The following TRPM7 variants were observed in gnomAD, a reference collection of about 807,000 sequenced individuals.
TRPM7 encodes LTRPC ion channel family member 7.
TRPM7 carries 134 observed loss-of-function variants against 229.7 expected under a neutral mutation model. The observed-to-expected ratio is 0.58, with a 90% CI of 0.51 to 0.67. The LOEUF (loss-of-function observed/expected upper bound fraction) is 0.67, where lower values mean the gene tolerates loss of function less well. Ranked by LOEUF, TRPM7 falls within the 30% of genes least tolerant of loss-of-function variation. The probability of loss-of-function intolerance (pLI) is 0.00; values close to 1 mark genes in which losing one functional copy is unlikely to be tolerated. For missense variants in TRPM7, 1,901 were observed against 2,210.0 expected (o/e 0.86, Z 2.80); for synonymous variants, 699 against 715.2 (o/e 0.98, Z 0.36).
At chr15:50,661,171 T>C (rs1240269516) in intron 2 of TRPM7, among the ~76,000 whole-genome samples, 2 of 152,008 alleles carry the variant, frequency 1.3e-5, no homozygotes, top group East Asian at 3.9e-4. Flanking sequence ...GAGACAGTGT[T>C]TCACCATGTT....
At chr15:50,655,000 C>CAA (rs35388005) in intron 3 of TRPM7, among the ~76,000 whole-genome samples, 1,378 of 69,316 alleles carry the variant, frequency 0.02, 54 homozygotes, top group African/African-American at 0.069. Context: ...CACTCCGTCT[C>CAA]AAAAAAAAAA....
At chr15:50,603,786 T>C (rs751108194) in intron 21 of TRPM7, among the ~76,000 whole-genome samples, 3 of 152,212 alleles carry the variant, frequency 2.0e-5, no homozygotes, top group African/African-American at 7.2e-5. Flanking sequence ...ACTCTAAGAA[T>C]AGCTTTTTAT....
chr15:50,575,665 G>A (rs745886826), intron 33 of TRPM7, 59 bp downstream of exon 33: 734 of 1,428,456 alleles, frequency 5.1e-4, no homozygotes, highest in Non-Finnish European at 6.3e-4. Context: ...CTATATTATA[G>A]CTAAAAATCA....
At chr15:50,629,101 A>T (rs886824549) in intron 10 of TRPM7, among the ~76,000 whole-genome samples, 1 of 151,870 alleles carries the variant, frequency 6.6e-6, no homozygotes, top group Non-Finnish European at 1.5e-5. Context: ...TTTCATGCAC[A>T]TGCTTGATTA....
At chr15:50,576,721 G>T (rs573879931) in intron 31 of TRPM7, among the ~76,000 whole-genome samples, 1 of 152,274 alleles carries the variant, frequency 6.6e-6, no homozygotes, top group Admixed American at 6.5e-5. Flanking sequence ...CTCTACAAAT[G>T]ATTTGAATAT....
At chr15:50,651,725 C>T (rs1384043102) in intron 3 of TRPM7, among the ~76,000 whole-genome samples, 2 of 151,882 alleles carry the variant, frequency 1.3e-5, no homozygotes, top group South Asian at 2.1e-4. Context: ...CCCATCTCTA[C>T]TAAAAATATA....
At chr15:50,662,358 T>C (rs1192212244) in intron 2 of TRPM7, among the ~76,000 whole-genome samples, 2 of 151,986 alleles carry the variant, frequency 1.3e-5, no homozygotes, top group Non-Finnish European at 2.9e-5. Context: ...AGAATAATTT[T>C]GGCAAAAATG....
intron 13 of TRPM7, among the ~76,000 whole-genome samples, chr15:50,617,127 C>CAAAA (rs1233426315): frequency 1.5e-5 from 2 of 135,298 alleles, no homozygotes; most frequent in Admixed American, 7.9e-5. Context: ...CCATCTCTAC[C>CAAAA]AAAAAAATAA....
chr15:50,611,818 G>A (rs983288045), intron 16 of TRPM7, among the ~76,000 whole-genome samples: 1 of 152,160 alleles, frequency 6.6e-6, no homozygotes, highest in African/African-American at 2.4e-5. Flanking sequence ...CCCCACTTGG[G>A]GAGCCGGAGG....
intron 13 of TRPM7, among the ~76,000 whole-genome samples, chr15:50,615,170 A>C (rs2060189025): frequency 5.0e-5 from 2 of 40,326 alleles, no homozygotes; most frequent in African/African-American, 6.7e-5. Context: ...TCTCAAAAAA[A>C]AAAAAAAAAA....
chr15:50,617,335 CA>C (rs34636418), intron 13 of TRPM7, among the ~76,000 whole-genome samples: 120 of 69,668 alleles, frequency 1.7e-3, no homozygotes, highest in African/African-American at 2.6e-3. Context: ...GACTCCATCT[CA>C]AAAAAAAAAA....
intron 22 of TRPM7, among the ~76,000 whole-genome samples, chr15:50,597,467 T>G (rs996092825): frequency 6.6e-6 from 1 of 152,240 alleles, no homozygotes; most frequent in Non-Finnish European, 1.5e-5. Flanking sequence ...AATGGTAAGG[T>G]CTTTTCACTC....
chr15:50,589,780 T>C (rs934358809), intron 26 of TRPM7, 124 bp from the exon 27 acceptor site: 4 of 585,816 alleles, frequency 6.8e-6, no homozygotes, highest in Non-Finnish European at 1.2e-5. Flanking sequence ...TTGATGGCTC[T>C]GCAGTCTCCT....
At chr15:50,598,329 A>C (rs1309284405) in intron 22 of TRPM7, among the ~76,000 whole-genome samples, 1 of 152,246 alleles carries the variant, frequency 6.6e-6, no homozygotes, top group Non-Finnish European at 1.5e-5. Flanking sequence ...TGTAAGAGTC[A>C]AAATGTGAAT....
At position 50,574,497 on chromosome 15, in the gene TRPM7, T is replaced by C. The variant is rs146768894; in HGVS notation, c.5103-18A>G. 1,337 of 1,586,968 alleles carry C rather than the reference T, an allele frequency of 8.4e-4. 17 individuals are homozygous for C. The African/African-American group carries it at 0.016, about 19-fold the overall frequency. ...CAAGGAACCTTATAAAAAATAGTTA[T>C]AAATATTACTAGCAGTTTTGTTAAT... On this transcript the variant is annotated intron_variant, in intron 35 of 38. Coordinates refer to ENST00000646667, the MANE Select transcript of TRPM7 (RefSeq NM_017672.6).
chr15:50,675,632 C>T (rs1567124722), intron 1 of TRPM7, among the ~76,000 whole-genome samples: 1 of 152,178 alleles, frequency 6.6e-6, no homozygotes, highest in Non-Finnish European at 1.5e-5. Context: ...ATCAGTTACC[C>T]AATCAAATGT....
chr15:50,685,189 G>A (rs2062329738), intron 1 of TRPM7, among the ~76,000 whole-genome samples: 1 of 152,200 alleles, frequency 6.6e-6, no homozygotes, highest in Admixed American at 6.5e-5. Flanking sequence ...TTGGCCTGGC[G>A]CGGTGGCTCA....
intron 10 of TRPM7, among the ~76,000 whole-genome samples, chr15:50,629,351 CA>C (rs1193144059): frequency 6.7e-6 from 1 of 149,666 alleles, no homozygotes; most frequent in South Asian, 2.1e-4. Context: ...TGGTTCACTG[CA>C]ACCTCTGCCT....
chr15:50,660,155 T>G (rs1596325255), intron 2 of TRPM7, among the ~76,000 whole-genome samples: 1 of 152,206 alleles, frequency 6.6e-6, no homozygotes, highest in East Asian at 1.9e-4. Context: ...TAATAAAACA[T>G]ATCTTTAACA....
Sources: gnomAD v4.1 joint callset for allele counts (sites outside exome capture counted in the v4.1 genomes callset) on GRCh38, gnomAD v4.1.1 for gene constraint, MANE v1.5 for transcripts, NCBI Gene and HGNC (gene_info 2026-07-23, HGNC 2026-07-21) for gene names.